The following LDLRAD3 variants were observed in gnomAD, a reference collection of about 807,000 sequenced individuals.
The protein encoded by LDLRAD3 is low density lipoprotein receptor class A domain containing 3, also known as low-density lipoprotein receptor class A domain-containing protein 3.
In LDLRAD3, 20 loss-of-function variants were observed where a neutral mutation model predicts 29.4. The observed-to-expected ratio is 0.68, with a 90% CI of 0.48 to 0.99. The LOEUF (loss-of-function observed/expected upper bound fraction) is 0.99. Among genes scored for constraint, LDLRAD3 ranks in the 50% least tolerant of loss-of-function variants. LDLRAD3 has a pLI of 0.00. For synonymous variants in LDLRAD3, 157 were observed against 192.7 expected, an observed-to-expected ratio of 0.81 and a Z score of 1.53; for missense variants, 420 against 454.3, an observed-to-expected ratio of 0.92 and a Z score of 0.69.
chr11:36,044,433 A>G (rs1009195248), intron 2 of LDLRAD3, among the ~76,000 whole-genome samples: 4 of 152,034 alleles, frequency 2.6e-5, no homozygotes, highest in Non-Finnish European at 5.9e-5. Flanking sequence ...AGCTGACCCT[A>G]TTCCCTCAAA....
At chr11:36,045,662 G>A (rs1045835472) in intron 2 of LDLRAD3, among the ~76,000 whole-genome samples, 8 of 151,998 alleles carry the variant, frequency 5.3e-5, no homozygotes, top group African/African-American at 1.9e-4. Flanking sequence ...TTGAATCATG[G>A]GGGTGGGTTT....
intron 4 of LDLRAD3, among the ~76,000 whole-genome samples, chr11:36,153,032 T>C (rs1854298564): frequency 6.6e-6 from 1 of 152,154 alleles, no homozygotes; most frequent in African/African-American, 2.4e-5. Flanking sequence ...TCACCTGGGT[T>C]CCACTCCTGA....
chr11:36,087,499 G>A (rs1229649385), intron 3 of LDLRAD3, among the ~76,000 whole-genome samples: 1 of 152,146 alleles, frequency 6.6e-6, no homozygotes, highest in Non-Finnish European at 1.5e-5. Context: ...AAACCAGGCT[G>A]TATTTTTGTA....
chr11:36,150,037 T>C (rs2133326568), intron 4 of LDLRAD3, among the ~76,000 whole-genome samples: 1 of 152,256 alleles, frequency 6.6e-6, no homozygotes, highest in South Asian at 2.1e-4. Flanking sequence ...GGTGTCCTTT[T>C]TCATTCCCCA....
Position 36,107,686 on chromosome 11 carries a change from T to C in LDLRAD3, c.454+9225T>C, listed in dbSNP as rs114981535. 6.6e-3 allele frequency among the ~76,000 whole-genome samples: 1,008 copies of C among 152,236 alleles called. 11 individuals are homozygous for C. The highest frequency in any genetic ancestry group is 0.023 in the African/African-American group (955 of 41,534). ...TCAGTACAGTAACATGCCGTACAGG[T>C]TTATAGCCTAGGAGCAGCAGGCTGT... On this transcript the variant is annotated intron_variant, in intron 4 of 5. Transcript: ENST00000315571.
chr11:36,076,599 G>A (rs977678906), intron 2 of LDLRAD3, among the ~76,000 whole-genome samples: 3 of 152,098 alleles, frequency 2.0e-5, no homozygotes, highest in African/African-American at 7.2e-5. Flanking sequence ...TCTTGGCCAG[G>A]CTGGTCTTGA....
At chr11:36,097,990 A>T (rs1853387683) in intron 3 of LDLRAD3, among the ~76,000 whole-genome samples, 1 of 152,204 alleles carries the variant, frequency 6.6e-6, no homozygotes, top group Non-Finnish European at 1.5e-5. Context: ...TGCTGTCACC[A>T]AAAAAGGTAA....
chr11:36,065,845 G>T (rs1263420866), intron 2 of LDLRAD3, among the ~76,000 whole-genome samples: 2 of 152,188 alleles, frequency 1.3e-5, no homozygotes, highest in African/African-American at 4.8e-5. Context: ...TGTTTATGTG[G>T]ATCATGTGGG....
chr11:36,135,880 A>C (rs761943056), intron 4 of LDLRAD3, among the ~76,000 whole-genome samples: 4 of 152,242 alleles, frequency 2.6e-5, no homozygotes, highest in Admixed American at 2.6e-4. Flanking sequence ...ACTGCACTCC[A>C]GCCCAGGCAA....
chr11:36,205,162 G>C lies in LDLRAD3; in HGVS notation c.455-21923G>C, dbSNP rs543685924. Among the ~76,000 whole-genome samples, 4 of 152,252 alleles carry C rather than the reference G, an allele frequency of 2.6e-5. No homozygotes were observed. The South Asian group carries it at 8.3e-4, about 32-fold the overall frequency. On this transcript the variant is annotated intron_variant, in intron 4 of 5. Coordinates refer to ENST00000315571, the MANE Select transcript of LDLRAD3 (RefSeq NM_174902.4). ...ATTCTTAATGGTAACAGAAACCTAC[G>C]AATTTAGGACAGATTAAGGCAACAA...
chr11:36,067,001 C>G (rs1183361763), intron 2 of LDLRAD3, among the ~76,000 whole-genome samples: 3 of 152,190 alleles, frequency 2.0e-5, no homozygotes, highest in African/African-American at 7.2e-5. Context: ...GTCCTAACTT[C>G]TCCCAGATTT....
intron 2 of LDLRAD3, among the ~76,000 whole-genome samples, chr11:36,069,219 T>C (rs1041159843): frequency 6.6e-6 from 1 of 152,238 alleles, no homozygotes; most frequent in Admixed American, 6.5e-5. Flanking sequence ...CTGTTTGTCA[T>C]CTGCCTTGGG....
At chr11:35,998,309 T>A (rs1179084750) in intron 1 of LDLRAD3, among the ~76,000 whole-genome samples, 3 of 152,182 alleles carry the variant, frequency 2.0e-5, no homozygotes, top group African/African-American at 7.2e-5. Context: ...GCATTTTTCC[T>A]CCTCCCTCTT....
At chr11:35,975,980 C>A (rs945987324) in intron 1 of LDLRAD3, among the ~76,000 whole-genome samples, 3 of 151,776 alleles carry the variant, frequency 2.0e-5, no homozygotes, top group African/African-American at 7.3e-5. Context: ...TAGAAGATAC[C>A]CTGGGCAGGT....
intron 2 of LDLRAD3, among the ~76,000 whole-genome samples, chr11:36,055,019 T>TACA (rs2133227542): frequency 4.8e-5 from 2 of 41,460 alleles, no homozygotes; most frequent in Non-Finnish European, 9.7e-5. Context: ...GGATAGATGG[T>TACA]TGGATGAATG....
intron 1 of LDLRAD3, among the ~76,000 whole-genome samples, chr11:35,999,671 C>A (rs530539171): frequency 7.7e-4 from 117 of 152,338 alleles, no homozygotes; most frequent in Non-Finnish European, 1.4e-3. Flanking sequence ...ATTCTGAAGA[C>A]CCAAAGGGAG....
At chr11:35,989,948 C>A (rs1214224052) in intron 1 of LDLRAD3, among the ~76,000 whole-genome samples, 1 of 152,054 alleles carries the variant, frequency 6.6e-6, no homozygotes, top group Admixed American at 6.5e-5. Context: ...ATCTGAAAAC[C>A]TCATAGGAAA....
intron 1 of LDLRAD3, among the ~76,000 whole-genome samples, chr11:35,993,472 C>A (rs1315621971): frequency 1.3e-5 from 2 of 152,138 alleles, no homozygotes; most frequent in Non-Finnish European, 2.9e-5. Context: ...AAATTTCTAG[C>A]TGCCTGCCAC....
intron 2 of LDLRAD3, among the ~76,000 whole-genome samples, chr11:36,077,336 T>TAG (rs1372552494): frequency 2.0e-5 from 3 of 152,232 alleles, no homozygotes; most frequent in Non-Finnish European, 4.4e-5. Flanking sequence ...AAAGTACTGT[T>TAG]ACGGGATCTT....
Sources: allele counts gnomAD v4.1 joint callset (sites outside exome capture counted in the v4.1 genomes callset), GRCh38; gene constraint gnomAD v4.1.1; transcripts MANE v1.5; gene names NCBI Gene and HGNC (gene_info 2026-07-23, HGNC 2026-07-21).